Variants in GAS7 observed in about 807,000 individuals in gnomAD.
GAS7 encodes the protein growth arrest specific 7.
In GAS7, 28 loss-of-function variants were observed where a neutral mutation model predicts 71.1. The ratio of observed to expected loss-of-function variants is 0.39; its 90% confidence interval spans 0.29 to 0.54. GAS7 has a LOEUF of 0.54. Among genes scored for constraint, GAS7 ranks in the 20% least tolerant of loss-of-function variants. The pLI, the probability that GAS7 is intolerant of heterozygous loss-of-function variation, is 0.62. For missense variants in GAS7, 436 were observed against 627.8 expected, an observed-to-expected ratio of 0.69 and a Z score of 3.27; for synonymous variants, 258 against 245.8, an observed-to-expected ratio of 1.05 and a Z score of -0.46.
chr17:10,132,164 G>A (rs1369823579), intron 1 of GAS7, among the ~76,000 whole-genome samples: 1 of 152,190 alleles, frequency 6.6e-6, no homozygotes, highest in Non-Finnish European at 1.5e-5. Flanking sequence ...ACATGTACTC[G>A]TGAACGTATG....
chr17:10,123,227 T>C (rs1028414787), intron 1 of GAS7, among the ~76,000 whole-genome samples: 15 of 152,192 alleles, frequency 9.9e-5, no homozygotes, highest in African/African-American at 3.6e-4. Flanking sequence ...GTCATCCTAC[T>C]TAGAGCTGTG....
chr17:10,038,094 A>G (rs2072790034), intron 1 of GAS7, among the ~76,000 whole-genome samples: 1 of 151,938 alleles, frequency 6.6e-6, no homozygotes, highest in African/African-American at 2.4e-5. Flanking sequence ...ACAATGGCTC[A>G]TGCCTGTAAT....
chr17:10,028,144 C>T (rs985868152), intron 1 of GAS7, among the ~76,000 whole-genome samples: 5 of 152,320 alleles, frequency 3.3e-5, no homozygotes, highest in Admixed American at 3.3e-4. Context: ...ACCTCATGAT[C>T]CACCCACCTT....
At chr17:9,925,712 G>A in intron 10 of GAS7, 113 bp from the exon 11 acceptor site, 1 of 1,164,734 alleles carries the variant, frequency 8.6e-7, no homozygotes, top group Non-Finnish European at 1.2e-6. Flanking sequence ...TTGTGTGGAT[G>A]ATGCCACAGT....
At chr17:10,045,877 C>G (rs2072947286) in intron 1 of GAS7, among the ~76,000 whole-genome samples, 1 of 152,274 alleles carries the variant, frequency 6.6e-6, no homozygotes, top group African/African-American at 2.4e-5. Context: ...ATTATTTACT[C>G]AATATTTTTT....
chr17:9,947,637 G>A lies in GAS7; in HGVS notation c.526-654C>T, dbSNP rs995353697. Among the ~76,000 whole-genome samples, 6 of 152,098 alleles carry A rather than the reference G, an allele frequency of 3.9e-5. 1 individual carries two copies. The highest frequency in any genetic ancestry group is 7.2e-5 in the African/African-American group (3 of 41,496). ...CGCATGCGTGTAATCCCAGCTAGTC[G>A]GGAGGCTGAGGGAGGAGAACCACTT... On this transcript the variant is annotated intron_variant, in intron 5 of 13. Transcript: ENST00000432992.
intron 1 of GAS7, among the ~76,000 whole-genome samples, chr17:10,115,758 C>T (rs2073855428): frequency 6.6e-6 from 1 of 152,184 alleles, no homozygotes; most frequent in Admixed American, 6.5e-5. Context: ...CCCCTAGTCC[C>T]TGGGGAGAAC....
intron 1 of GAS7, among the ~76,000 whole-genome samples, chr17:10,081,543 A>G (rs1017459713): frequency 1.4e-4 from 21 of 152,248 alleles, no homozygotes; most frequent in Admixed American, 1.3e-3. Flanking sequence ...GTTTTGCATG[A>G]CAAAATACAT....
At chr17:10,050,226 C>G (rs915461789) in intron 1 of GAS7, among the ~76,000 whole-genome samples, 4 of 152,002 alleles carry the variant, frequency 2.6e-5, no homozygotes, top group Admixed American at 2.0e-4. Flanking sequence ...AAAATGAGTA[C>G]TATTTATCAG....
intron 1 of GAS7, among the ~76,000 whole-genome samples, chr17:10,188,263 T>G (rs2074471746): frequency 6.6e-6 from 1 of 152,172 alleles, no homozygotes; most frequent in African/African-American, 2.4e-5. Context: ...AAAAATCCAT[T>G]TCAATATAGT....
chr17:9,976,828 C>T (rs1195493991), intron 3 of GAS7, among the ~76,000 whole-genome samples: 1 of 152,304 alleles, frequency 6.6e-6, no homozygotes, highest in South Asian at 2.1e-4. Context: ...AAGAAAAACA[C>T]GTAAGTTCAA....
chr17:10,099,639 C>G (rs527678108), intron 1 of GAS7, among the ~76,000 whole-genome samples: 1 of 152,212 alleles, frequency 6.6e-6, no homozygotes, highest in African/African-American at 2.4e-5. Context: ...AAGGCATAGC[C>G]AGATATAACA....
intron 1 of GAS7, among the ~76,000 whole-genome samples, chr17:10,067,597 G>C (rs1320797391): frequency 6.6e-6 from 1 of 152,130 alleles, no homozygotes; most frequent in Non-Finnish European, 1.5e-5. Context: ...CTGGCTAGGG[G>C]GTAATCAGAA....
chr17:10,181,448 G>C (rs986603322), intron 1 of GAS7, among the ~76,000 whole-genome samples: 5 of 152,160 alleles, frequency 3.3e-5, no homozygotes, highest in Admixed American at 1.3e-4. Flanking sequence ...AGAAGAGGAT[G>C]GGGGAGGAGG....
intron 1 of GAS7, among the ~76,000 whole-genome samples, chr17:10,094,275 T>C (rs1246707776): frequency 6.6e-6 from 1 of 152,126 alleles, no homozygotes; most frequent in Non-Finnish European, 1.5e-5. Flanking sequence ...ACCTGGTATC[T>C]CCCTGAATGC....
At chr17:10,136,724 G>A (rs1020405211) in intron 1 of GAS7, among the ~76,000 whole-genome samples, 12 of 152,078 alleles carry the variant, frequency 7.9e-5, no homozygotes, top group African/African-American at 1.9e-4. Context: ...TGATTGTGTC[G>A]CCTACAGCTC....
chr17:10,036,353 C>T, intron 1 of GAS7: 1 of 1,188,848 alleles, frequency 8.4e-7, no homozygotes, highest in East Asian at 2.3e-5. Context: ...TGCCTCTTTA[C>T]CATGGCACAG....
intron 2 of GAS7, among the ~76,000 whole-genome samples, chr17:10,010,869 A>G (rs2071743272): frequency 6.6e-6 from 1 of 152,240 alleles, no homozygotes; most frequent in Non-Finnish European, 1.5e-5. Context: ...AGTTGGAGAC[A>G]GCTTGTACTC....
intron 1 of GAS7, among the ~76,000 whole-genome samples, chr17:10,144,419 T>C (rs1317433796): frequency 6.6e-6 from 1 of 152,172 alleles, no homozygotes; most frequent in Non-Finnish European, 1.5e-5. Flanking sequence ...TTTGGGGCCC[T>C]TAAATTCTAT....
Sources: allele counts gnomAD v4.1 joint callset (sites outside exome capture counted in the v4.1 genomes callset), GRCh38; gene constraint gnomAD v4.1.1; transcripts MANE v1.5; gene names NCBI Gene and HGNC (gene_info 2026-07-23, HGNC 2026-07-21).